Variants in USH2A observed in about 807,000 individuals in gnomAD.
The protein encoded by USH2A is Usher syndrome 2A (autosomal recessive, mild).
USH2A carries 443 observed loss-of-function variants against 538.9 expected under a neutral mutation model. The observed-to-expected ratio is 0.82, with a 90% confidence interval of 0.76 to 0.89. USH2A has a LOEUF of 0.89. USH2A is among the 40% of genes least tolerant of loss of function. USH2A has a pLI of 0.00. For synonymous variants in USH2A, 2,413 were observed against 2,273.5 expected (o/e 1.06, Z -1.75); for missense variants, 6,633 against 6,324.8 (o/e 1.05, Z -1.65).
intron 21 of USH2A, among the ~76,000 whole-genome samples, chr1:216,151,108 G>A (rs4110897): frequency 3.3e-5 from 5 of 151,926 alleles, no homozygotes; most frequent in African/African-American, 7.3e-5. Context: ...AAGGTTGCTC[G>A]TAGATACTCA....
chr1:215,697,528 T>TA (rs962100284), intron 61 of USH2A, among the ~76,000 whole-genome samples: 23 of 22,986 alleles, frequency 1.0e-3, no homozygotes, highest in East Asian at 0.018. Flanking sequence ...TTTATTTATA[T>TA]TTTTTTTGTT....
intron 50 of USH2A, among the ~76,000 whole-genome samples, chr1:215,795,248 T>G (rs1002689369): frequency 1.3e-5 from 2 of 152,186 alleles, no homozygotes; most frequent in African/African-American, 4.8e-5. Flanking sequence ...ATTTCACAGT[T>G]TAGCTCAAGC....
At chr1:215,899,898 A>C (rs1033811189) in intron 40 of USH2A, among the ~76,000 whole-genome samples, 177 bp downstream of exon 40, 1 of 152,156 alleles carries the variant, frequency 6.6e-6, no homozygotes, top group Non-Finnish European at 1.5e-5. Context: ...AGACCACATT[A>C]TTCTTCTTTC....
intron 9 of USH2A, 73 bp from the exon 10 acceptor site, chr1:216,292,443 C>G (rs1342302867): frequency 4.7e-6 from 7 of 1,491,590 alleles, no homozygotes; most frequent in Middle Eastern, 1.8e-4. Flanking sequence ...ATATGTTAGG[C>G]CTTTCACCAG....
chr1:215,881,676 A>G (rs559557302), intron 41 of USH2A, among the ~76,000 whole-genome samples: 54 of 152,340 alleles, frequency 3.5e-4, no homozygotes, highest in Non-Finnish European at 4.0e-4. Context: ...ATAAGCAAGA[A>G]ATGTGTTCTT....
intron 30 of USH2A, among the ~76,000 whole-genome samples, chr1:216,057,944 C>T (rs2031035873): frequency 6.6e-6 from 1 of 152,184 alleles, no homozygotes; most frequent in Admixed American, 6.5e-5. Context: ...TCAACATTCC[C>T]TGAAGCTAGG....
At chr1:215,934,381 A>C (rs1344343167) in intron 38 of USH2A, among the ~76,000 whole-genome samples, 1 of 151,978 alleles carries the variant, frequency 6.6e-6, no homozygotes, top group Non-Finnish European at 1.5e-5. Context: ...GTATATACAC[A>C]CACATACACA....
chr1:216,102,400 A>G (rs545956109), intron 21 of USH2A, among the ~76,000 whole-genome samples: 60 of 149,722 alleles, frequency 4.0e-4, no homozygotes, highest in African/African-American at 1.4e-3. Flanking sequence ...TAAAAAGTAA[A>G]ATGTTAAATT....
chr1:216,391,421 T>A (rs1298981538), intron 3 of USH2A, among the ~76,000 whole-genome samples: 1 of 152,168 alleles, frequency 6.6e-6, no homozygotes, highest in Non-Finnish European at 1.5e-5. Flanking sequence ...TACTTTACCA[T>A]CTGCCAGCTT....
intron 27 of USH2A, among the ~76,000 whole-genome samples, chr1:216,074,325 TCTCTCTC>T (rs2031675420): frequency 2.4e-4 from 2 of 8,204 alleles, no homozygotes; most frequent in Admixed American, 2.1e-3. Context: ...GCGTGCATGT[TCTCTCTC>T]TCTCTCTCTC....
At chr1:215,752,346 C>T (rs189394831) in intron 58 of USH2A, among the ~76,000 whole-genome samples, 1 of 152,204 alleles carries the variant, frequency 6.6e-6, no homozygotes, top group East Asian at 1.9e-4. Flanking sequence ...GGCTAGAGAT[C>T]TTGATTTTCT....
chr1:216,270,965 A>C (rs1464191100), intron 11 of USH2A, among the ~76,000 whole-genome samples: 1 of 152,142 alleles, frequency 6.6e-6, no homozygotes, highest in African/African-American at 2.4e-5. Flanking sequence ...ACTTTCTGTA[A>C]GTAAAATTAA....
At chr1:215,805,474 C>A (rs1662473829) in intron 49 of USH2A, among the ~76,000 whole-genome samples, 1 of 151,910 alleles carries the variant, frequency 6.6e-6, no homozygotes, top group Non-Finnish European at 1.5e-5. Flanking sequence ...AGAGTCTGAG[C>A]TTGAGAAGAT....
intron 32 of USH2A, among the ~76,000 whole-genome samples, chr1:216,045,771 T>C (rs1302727263): frequency 3.9e-5 from 6 of 152,020 alleles, no homozygotes; most frequent in African/African-American, 1.4e-4. Flanking sequence ...GCAAAGGTAA[T>C]TGCTAGAAGG....
At chr1:216,181,108 G>A (rs981999421) in intron 20 of USH2A, among the ~76,000 whole-genome samples, 2 of 152,110 alleles carry the variant, frequency 1.3e-5, no homozygotes, top group Non-Finnish European at 2.9e-5. Context: ...TTGTTGACAA[G>A]TCACCTTCAG....
intron 35 of USH2A, among the ~76,000 whole-genome samples, chr1:215,990,982 C>T (rs757901054): frequency 1.6e-4 from 24 of 151,846 alleles, no homozygotes; most frequent in East Asian, 5.8e-4. Context: ...AGGATGGTCT[C>T]GATCTCCTGA....
Position 215,888,859 on chromosome 1 carries a change from T to C in USH2A, c.7790A>G (p.Lys2597Arg). 6.2e-7 allele frequency: 1 copy of C among 1,614,138 alleles called. No homozygotes were observed. Among genetic ancestry groups the C allele is most frequent in the Non-Finnish European group, 8.5e-7 (1 of 1,180,008 alleles). The change falls in exon 41 of 72, where the codon AAG becomes AGG. Residue 2597 changes from lysine to arginine, a missense_variant. By Grantham distance (26) the Lys-to-Arg change is conservative. Transcript: ENST00000307340. The stretch of plus-strand genomic sequence containing the variant: ...TGAAGTGCAGGCTTCTACCTGAAAC[T>C]TATAGGCAGTGTATGGGTGTAAATG... The part of the protein sequence containing the change: ...VMHLHPYTAY[K>R]FQVEACTSKG...
intron 32 of USH2A, among the ~76,000 whole-genome samples, chr1:216,012,972 C>T (rs1462113588): frequency 6.6e-6 from 1 of 152,192 alleles, no homozygotes; most frequent in Non-Finnish European, 1.5e-5. Context: ...CTTGTTTACA[C>T]TGCCAGTTTA....
intron 50 of USH2A, among the ~76,000 whole-genome samples, chr1:215,798,217 C>T (rs1662199620): frequency 6.6e-6 from 1 of 152,132 alleles, no homozygotes; most frequent in Admixed American, 6.5e-5. Context: ...AAAGTGGCTT[C>T]TTGAGATGGA....
Sources: gnomAD v4.1 joint callset for allele counts (sites outside exome capture counted in the v4.1 genomes callset) on GRCh38, gnomAD v4.1.1 for gene constraint, MANE v1.5 for transcripts, NCBI Gene and HGNC (gene_info 2026-07-23, HGNC 2026-07-21) for gene names.